The following UQCC2 variants were observed in gnomAD, a reference collection of about 807,000 sequenced individuals.
UQCC2 encodes ubiquinol-cytochrome c reductase complex assembly factor 2.
UQCC2 carries 21 observed loss-of-function variants against 19.9 expected under a neutral mutation model. The observed-to-expected ratio is 1.05, with a 90% CI of 0.75 to 1.52. The LOEUF (loss-of-function observed/expected upper bound fraction) is 1.52, where lower values mean the gene tolerates loss of function less well. Among genes scored for constraint, UQCC2 ranks in the 40% most tolerant of loss-of-function variants. The pLI is 0.00. For synonymous variants in UQCC2, 57 were observed against 60.9 expected, an observed-to-expected ratio of 0.94 and a Z score of 0.30; for missense variants, 135 against 157.5, an observed-to-expected ratio of 0.86 and a Z score of 0.76.
At position 33,711,616 on chromosome 6, in the gene UQCC2, C is replaced by T. The variant is rs1253501273; in HGVS notation, c.71G>A (p.Gly24Asp). Residue 24 changes from glycine (G) to aspartate (D), a missense_variant, in exon 1 of 4, where the codon GGC becomes GAC. By Grantham distance (94) the Gly-to-Asp change is moderately conservative. Coordinates refer to ENST00000607484, the MANE Select transcript of UQCC2 (RefSeq NM_032340.4). ...TCGCAGGTAAGCGCCCAAGTCCCGG[C>T]CCCGTTTGGTCTCGTCCACTGGCCA... ...EEWPVDETKR[G>D]RDLGAYLRQR... The T allele has an allele frequency of 1.2e-6, 2 of 1,614,054 alleles. No individual in the cohort carries two copies. The highest frequency in any genetic ancestry group is 1.7e-5 in the Admixed American group (1 of 60,002).
In UQCC2 at chr6:33,701,285, C is replaced by T. The variant is rs920988186; in HGVS notation, c.213+61G>A. The T allele has an allele frequency of 7.3e-6, 11 of 1,510,010 alleles. No individual in the cohort carries two copies. The African/African-American group carries it at 1.5e-4, about 21-fold the overall frequency. 93.5% of individuals were successfully genotyped at this position (1,510,010 alleles called of 1,614,324 possible). ...AAAACATTACCTAATCAGATTTTCA[C>T]TCATTCTTATTAGTTGTCCCGTCAG... On this transcript the variant is annotated intron_variant, in intron 2 of 3. Transcript: ENST00000607484.
At chr6:33,700,571 GCTCT>G (rs1202778868) in intron 2 of UQCC2, 58 bp from the exon 3 acceptor site, 1 of 1,574,106 alleles carries the variant, frequency 6.4e-7, no homozygotes, top group Non-Finnish European at 8.7e-7. Flanking sequence ...CACAAGCCCT[GCTCT>G]CTAACTGCAT....
At position 33,704,360 on chromosome 6, in the gene UQCC2, G is replaced by A. The variant is rs558856426; in HGVS notation, c.139-2940C>T. On this transcript the variant is annotated intron_variant, in intron 1 of 3. Coordinates refer to ENST00000607484, the MANE Select transcript of UQCC2 (RefSeq NM_032340.4). ...CCGGCAAGGGAGTGGGGTGCTCCAGGCACAGGACCAGGTGGAGCCCGTGCC... is the reference window on the plus strand; with the variant it reads ...CCGGCAAGGGAGTGGGGTGCTCCAGACACAGGACCAGGTGGAGCCCGTGCC... Among the ~76,000 whole-genome samples the A allele has an allele frequency of 1.2e-4, 18 of 152,342 alleles. No homozygotes were observed. In the Middle Eastern group the frequency reaches 0.024, roughly 202 times the overall value.
chr6:33,700,344 T>C (rs1021974185), intron 3 of UQCC2, 100 bp downstream of exon 3: 6 of 1,356,178 alleles, frequency 4.4e-6, no homozygotes, highest in Admixed American at 1.7e-5. Flanking sequence ...CTACAAGACT[T>C]TCCATCAAGC....
At chr6:33,701,163 C>G (rs1345648640) in intron 2 of UQCC2, among the ~76,000 whole-genome samples, 183 bp downstream of exon 2, 2 of 152,208 alleles carry the variant, frequency 1.3e-5, no homozygotes, top group African/African-American at 4.8e-5. Flanking sequence ...TTTTAAATAG[C>G]TTTTATTTAG....
chr6:33,697,837 AG>A, intron 3 of UQCC2, 87 bp from the exon 4 acceptor site: 1 of 1,073,180 alleles, frequency 9.3e-7, no homozygotes, highest in Non-Finnish European at 1.4e-6. Context: ...TCCCGACACA[AG>A]CATGGCTTGC....
At chr6:33,704,860 G>A (rs546561965) in intron 1 of UQCC2, among the ~76,000 whole-genome samples, 1 of 152,134 alleles carries the variant, frequency 6.6e-6, no homozygotes, top group Non-Finnish European at 1.5e-5. Flanking sequence ...CCTCAAGCAG[G>A]TGTGGTATAA....
At chr6:33,698,091 G>C (rs1026750533) in intron 3 of UQCC2, 15 of 214,580 alleles carry the variant, frequency 7.0e-5, no homozygotes, top group Middle Eastern at 4.5e-4. Flanking sequence ...GCAACCCACA[G>C]ACCCAGATGC....
At chr6:33,705,467 C>CT (rs1239859838) in intron 1 of UQCC2, among the ~76,000 whole-genome samples, 1 of 152,170 alleles carries the variant, frequency 6.6e-6, no homozygotes. Flanking sequence ...AGTTTCCCGT[C>CT]TGAGGTCAGA....
rs1407069886 is a variant in UQCC2 at position 33,697,344 on chromosome 6, C to T, written c.*309G>A. ...AGACACCAGACCCGTGCCAGAGGGG[C>T]GGGGGCTCCCGTGGCAATGCAGGAA... On this transcript the variant is annotated 3_prime_UTR_variant, in exon 4 of 4. Coordinates refer to ENST00000607484, the MANE Select transcript of UQCC2 (RefSeq NM_032340.4). 4 of 278,072 alleles carry T rather than the reference C, an allele frequency of 1.4e-5. No homozygotes were observed. Among genetic ancestry groups the T allele is most frequent in the Non-Finnish European group, 2.7e-5 (4 of 149,354 alleles). The allele number at this position is 278,072 out of a possible 1,614,324, so 17.2% of individuals were successfully genotyped here.
At chr6:33,701,230 C>T in intron 2 of UQCC2, 116 bp downstream of exon 2, 1 of 1,122,366 alleles carries the variant, frequency 8.9e-7, no homozygotes, top group East Asian at 2.6e-5. Flanking sequence ...TTACTGGTTT[C>T]ATTTGAACGC....
At chr6:33,702,015 T>TC (rs1765646369) in intron 1 of UQCC2, among the ~76,000 whole-genome samples, 1 of 151,690 alleles carries the variant, frequency 6.6e-6, no homozygotes, top group South Asian at 2.1e-4. Flanking sequence ...TAGATTCTTT[T>TC]GTTTTTTTTG....
At chr6:33,703,742 T>C (rs1247301526) in intron 1 of UQCC2, among the ~76,000 whole-genome samples, 1 of 152,166 alleles carries the variant, frequency 6.6e-6, no homozygotes, top group Non-Finnish European at 1.5e-5. Flanking sequence ...CCCCATAATA[T>C]TTCAGTGTGC....
chr6:33,711,452 C>G, intron 1 of UQCC2, 97 bp downstream of exon 1: 2 of 1,458,900 alleles, frequency 1.4e-6, no homozygotes, highest in Non-Finnish European at 1.8e-6. Flanking sequence ...GGAAAGAGGG[C>G]GCGCGCATGC....
chr6:33,711,477 T>C, intron 1 of UQCC2, 72 bp downstream of exon 1: 1 of 1,511,282 alleles, frequency 6.6e-7, no homozygotes, highest in Non-Finnish European at 8.8e-7. Context: ...ATCCCCCTGC[T>C]AGCGCGCTCG....
intron 1 of UQCC2, 97 bp from the exon 2 acceptor site, chr6:33,701,517 C>T: frequency 8.0e-7 from 1 of 1,249,010 alleles, no homozygotes. Flanking sequence ...AAAGCGTTCA[C>T]ATGAAGCAGG....
At chr6:33,707,726 G>A (rs530356776) in intron 1 of UQCC2, among the ~76,000 whole-genome samples, 9 of 152,178 alleles carry the variant, frequency 5.9e-5, no homozygotes, top group African/African-American at 1.9e-4. Context: ...AGAAAGATCT[G>A]CTCCTTTCTC....
At chr6:33,703,414 C>T (rs1765662899) in intron 1 of UQCC2, among the ~76,000 whole-genome samples, 1 of 152,144 alleles carries the variant, frequency 6.6e-6, no homozygotes, top group African/African-American at 2.4e-5. Context: ...TTGCCCACCT[C>T]GGCCTCCCAA....
At chr6:33,708,384 C>A (rs1179948948) in intron 1 of UQCC2, among the ~76,000 whole-genome samples, 2 of 147,770 alleles carry the variant, frequency 1.4e-5, no homozygotes, top group African/African-American at 4.9e-5. Context: ...GCTACGGAAC[C>A]CCCAGTGCGT....
Sources: gnomAD v4.1 joint callset for allele counts (sites outside exome capture counted in the v4.1 genomes callset) on GRCh38, gnomAD v4.1.1 for gene constraint, MANE v1.5 for transcripts, NCBI Gene and HGNC (gene_info 2026-07-23, HGNC 2026-07-21) for gene names.